The following RNF10 variants were observed in gnomAD, a reference collection of about 807,000 sequenced individuals.
RNF10 encodes the protein ring finger protein 10.
In RNF10, 38 loss-of-function variants were observed where a neutral mutation model predicts 91.4. The ratio of observed to expected loss-of-function variants is 0.42; its 90% CI spans 0.32 to 0.54. RNF10 has a LOEUF of 0.54. RNF10 is among the 20% of genes least tolerant of loss of function. RNF10 has a pLI of 0.16. For missense variants in RNF10, 945 were observed against 1,012.0 expected (o/e 0.93, Z 0.90); for synonymous variants, 364 against 366.3 (o/e 0.99, Z 0.07).
intron 1 of RNF10, among the ~76,000 whole-genome samples, chr12:120,545,454 A>C (rs1872187778): frequency 6.6e-6 from 1 of 151,956 alleles, no homozygotes. Flanking sequence ...GGCCTCCCAA[A>C]GTGCTAGGAT....
intron 1 of RNF10, among the ~76,000 whole-genome samples, chr12:120,545,333 C>A (rs981801948): frequency 6.6e-6 from 1 of 150,626 alleles, no homozygotes; most frequent in African/African-American, 2.4e-5. Flanking sequence ...AGGTGCCCGC[C>A]ACCATGCCCG....
chr12:120,566,730 C>T, intron 12 of RNF10, 95 bp from the exon 13 acceptor site: 1 of 1,187,768 alleles, frequency 8.4e-7, no homozygotes, highest in Non-Finnish European at 1.2e-6. Flanking sequence ...CCACTACACT[C>T]CAGCCTGGGT....
At chr12:120,563,227 C>T in intron 8 of RNF10, 120 bp from the exon 9 acceptor site, 10 of 1,468,786 alleles carry the variant, frequency 6.8e-6, no homozygotes, top group Non-Finnish European at 9.3e-6. Flanking sequence ...GGTGTTAAAT[C>T]AGTGAACACG....
chr12:120,570,993 CG>C (rs1185025861), intron 13 of RNF10, among the ~76,000 whole-genome samples, 197 bp from the exon 14 acceptor site: 1 of 151,934 alleles, frequency 6.6e-6, no homozygotes, highest in Non-Finnish European at 1.5e-5. Flanking sequence ...CTTCCTGTAC[CG>C]GTCGCTGATT....
chr12:120,574,756 T>C (rs754021603), intron 14 of RNF10: 6 of 283,106 alleles, frequency 2.1e-5, no homozygotes, highest in Non-Finnish European at 3.5e-5. Context: ...AGAAACCCCG[T>C]CTTTACTAAA....
intron 14 of RNF10, among the ~76,000 whole-genome samples, chr12:120,573,216 T>G (rs1036597512): frequency 6.6e-6 from 1 of 152,180 alleles, no homozygotes; most frequent in African/African-American, 2.4e-5. Context: ...ATATCTAATA[T>G]GGTGCATATT....
intron 14 of RNF10, 107 bp downstream of exon 14, chr12:120,571,398 C>A (rs1876609863): frequency 2.5e-6 from 2 of 809,878 alleles, no homozygotes; most frequent in African/African-American, 1.7e-5. Context: ...TCTAATACGG[C>A]TGGACAAATT....
intron 7 of RNF10, among the ~76,000 whole-genome samples, chr12:120,561,559 A>G (rs1474544452): frequency 6.6e-6 from 1 of 152,196 alleles, no homozygotes; most frequent in East Asian, 1.9e-4. Context: ...AGAAGCCCAT[A>G]TTTATTGAGT....
intron 2 of RNF10, among the ~76,000 whole-genome samples, chr12:120,550,365 A>G (rs796164645): frequency 6.6e-6 from 1 of 152,196 alleles, no homozygotes; most frequent in African/African-American, 2.4e-5. Flanking sequence ...AGAAAGTGAC[A>G]GTGGGCCAGC....
rs1555229856 is a variant in RNF10, at chr12:120,569,549, T to TTTTTTTTTTTTTTA, written c.2042-1642_2042-1641insTTTTTTTTTTTTTA. ...TTTGTGATATGCATCTTTTTTTTTT[T>TTTTTTTTTTTTTTA]GAGACAGGGTCTCGCTCTGTCGCCC... On this transcript the variant is annotated intron_variant, in intron 13 of 16. Transcript: ENST00000325954. Among the ~76,000 whole-genome samples the TTTTTTTTTTTTTTA allele has an allele frequency of 4.7e-5, 7 of 149,698 alleles. 1 individual carries two copies. Among genetic ancestry groups the TTTTTTTTTTTTTTA allele is most frequent in the African/African-American group, 1.7e-4 (7 of 40,878 alleles).
In RNF10 at chr12:120,534,764, G is replaced by C. The variant is rs748818916; in HGVS notation, c.-48G>C. The C allele has an allele frequency of 1.3e-6, 2 of 1,518,742 alleles. No homozygotes were observed. Among genetic ancestry groups the C allele is most frequent in the Middle Eastern group, 1.7e-4 (1 of 5,842 alleles). The allele number at this position is 1,518,742 out of a possible 1,614,324, so 94.1% of individuals were successfully genotyped here. A position where few individuals can be genotyped will look rare whatever the true frequency, so the allele number is the denominator to read the frequency against. ...CTGAACGCCATGAGCCTGGGTCCCC[G>C]CCGCGCCCGCTCCGCTCCGACTGCC... On this transcript the variant is annotated 5_prime_UTR_variant, in exon 1 of 17. Transcript: ENST00000325954.
chr12:120,575,882 C>T lies in RNF10; in HGVS notation c.2291C>T (p.Ser764Phe). The change falls in exon 16 of 17, where the codon TCC (serine) becomes TTC (phenylalanine). Residue 764 changes from serine (S) to phenylalanine (F), a missense_variant. Transcript: ENST00000325954. ...GTTCCTGTGCCCAGTTTTCAAAATT[C>T]CTTCAGCCAAGCTATTGAAGCAGCC... is the stretch of plus-strand genomic sequence containing the variant. ...DRVPVPSFQN[S>F]FSQAIEAAFM... is the part of the protein sequence containing the mutation. The T allele has an allele frequency of 6.2e-7, 1 of 1,614,170 alleles. No individual in the cohort carries two copies. The highest frequency in any genetic ancestry group is 8.5e-7 in the Non-Finnish European group (1 of 1,180,030).
chr12:120,552,971 C>T (rs997833644), intron 3 of RNF10, among the ~76,000 whole-genome samples: 8 of 147,652 alleles, frequency 5.4e-5, no homozygotes, highest in African/African-American at 2.0e-4. Flanking sequence ...AATCTTGTTT[C>T]GGCCTTTGAC....
intron 12 of RNF10, 97 bp from the exon 13 acceptor site, chr12:120,566,728 C>T: frequency 3.4e-6 from 4 of 1,170,108 alleles, no homozygotes; most frequent in Non-Finnish European, 3.7e-6. Context: ...TACCACTACA[C>T]TCCAGCCTGG....
intron 2 of RNF10, among the ~76,000 whole-genome samples, chr12:120,548,689 C>T (rs1300805506): frequency 7.2e-6 from 1 of 138,652 alleles, no homozygotes; most frequent in Non-Finnish European, 1.5e-5. Context: ...GATGGAGTCT[C>T]GCTCTGTCCC....
intron 6 of RNF10, among the ~76,000 whole-genome samples, chr12:120,560,400 C>G (rs1014393252): frequency 2.0e-5 from 3 of 151,216 alleles, no homozygotes; most frequent in Middle Eastern, 3.2e-3. Flanking sequence ...GTGATCCACC[C>G]GCCTTGACCT....
Position 120,546,434 on chromosome 12 carries a change from TATA to T in RNF10, c.190_192del (p.Asn64del), listed in dbSNP as rs1220257475. 4 of 1,613,668 alleles carry T rather than the reference TATA, an allele frequency of 2.5e-6. No individual in the cohort carries two copies. The highest frequency in any genetic ancestry group is 3.4e-6 in the Non-Finnish European group (4 of 1,179,918). On this transcript the variant is annotated inframe_deletion, in exon 2 of 17. Coordinates refer to ENST00000325954, the MANE Select transcript of RNF10 (RefSeq NM_014868.5). ...AAAGAACTCCAGTGGATCCAAGCGTTATAATCGCAAACGTGAACTTTCCTACCC... is the reference window on the plus strand; with the variant it reads ...AAAGAACTCCAGTGGATCCAAGCGTTATCGCAAACGTGAACTTTCCTACCC...
intron 13 of RNF10, among the ~76,000 whole-genome samples, chr12:120,569,641 C>A (rs1876316747): frequency 6.6e-6 from 1 of 150,426 alleles, no homozygotes; most frequent in Admixed American, 6.7e-5. Context: ...CAGGTTGAAG[C>A]AATTCTTGTG....
chr12:120,565,047 A>C, intron 10 of RNF10, 25 bp from the exon 11 acceptor site: 1 of 1,516,968 alleles, frequency 6.6e-7, no homozygotes, highest in Non-Finnish European at 9.2e-7. Flanking sequence ...GCTTTTGTTG[A>C]GTATTGGTCC....
Sources: allele counts gnomAD v4.1 joint callset (sites outside exome capture counted in the v4.1 genomes callset), GRCh38; gene constraint gnomAD v4.1.1; transcripts MANE v1.5; gene names NCBI Gene and HGNC (gene_info 2026-07-23, HGNC 2026-07-21).